MACROD2: variants seen among roughly 807,000 people sequenced by gnomAD.
The protein encoded by MACROD2 is ADP-ribose glycohydrolase MACROD2.
MACROD2 carries 36 observed loss-of-function variants against 70.4 expected under a neutral mutation model. That is an observed-to-expected ratio of 0.51 (90% confidence interval 0.39 to 0.68). The LOEUF (loss-of-function observed/expected upper bound fraction) is 0.68, where lower values mean the gene tolerates loss of function less well. Ranked by LOEUF, MACROD2 falls within the 30% of genes least tolerant of loss-of-function variation. MACROD2 has a pLI of 0.00. For synonymous variants in MACROD2, 172 were observed against 178.8 expected (o/e 0.96, Z 0.30); for missense variants, 496 against 538.4 (o/e 0.92, Z 0.78).
intron 5 of MACROD2, among the ~76,000 whole-genome samples, chr20:14,917,144 C>T (rs765101717): frequency 2.0e-5 from 3 of 151,030 alleles, no homozygotes; most frequent in Non-Finnish European, 4.4e-5. Flanking sequence ...TCCATCCCTG[C>T]TCAGATGGTT....
chr20:14,731,730 C>G (rs1044372779), intron 5 of MACROD2, among the ~76,000 whole-genome samples: 3 of 152,088 alleles, frequency 2.0e-5, no homozygotes, highest in Non-Finnish European at 4.4e-5. Flanking sequence ...GTGATATGTG[C>G]CTTTTTTCAC....
At chr20:14,960,298 C>T (rs2074572348) in intron 5 of MACROD2, among the ~76,000 whole-genome samples, 1 of 152,186 alleles carries the variant, frequency 6.6e-6, no homozygotes, top group Admixed American at 6.5e-5. Flanking sequence ...CTACCACTCC[C>T]TGGATGCTTC....
intron 5 of MACROD2, among the ~76,000 whole-genome samples, chr20:14,913,444 T>A (rs1377817318): frequency 6.6e-6 from 1 of 152,078 alleles, no homozygotes; most frequent in Non-Finnish European, 1.5e-5. Context: ...CCCAACACAT[T>A]GGAAAGCCAA....
chr20:14,877,963 G>T (rs2073568579), intron 5 of MACROD2, among the ~76,000 whole-genome samples: 1 of 151,914 alleles, frequency 6.6e-6, no homozygotes, highest in Admixed American at 6.6e-5. Context: ...GCCAGAATTT[G>T]GTATCAGAGT....
intron 8 of MACROD2, among the ~76,000 whole-genome samples, chr20:15,536,826 TAAAAAG>T (rs1175936497): frequency 1.3e-5 from 2 of 152,170 alleles, no homozygotes; most frequent in East Asian, 3.8e-4. Flanking sequence ...TAAAATTTGA[TAAAAAG>T]AAACCAGTGG....
intron 5 of MACROD2, among the ~76,000 whole-genome samples, chr20:15,137,783 A>G (rs572189113): frequency 6.8e-4 from 103 of 152,242 alleles, no homozygotes; most frequent in African/African-American, 2.4e-3. Context: ...GCACATTTAG[A>G]TAGATTTATT....
At chr20:14,665,732 C>T (rs2070730035) in intron 4 of MACROD2, among the ~76,000 whole-genome samples, 2 of 152,096 alleles carry the variant, frequency 1.3e-5, no homozygotes, top group South Asian at 2.1e-4. Flanking sequence ...GCATAATTAA[C>T]TTACATATAT....
intron 5 of MACROD2, among the ~76,000 whole-genome samples, chr20:14,930,013 T>A (rs2074278174): frequency 6.6e-6 from 1 of 151,772 alleles, no homozygotes; most frequent in Admixed American, 6.6e-5. Flanking sequence ...TACAAAAAAA[T>A]TAGCCGGGCG....
At chr20:14,912,120 A>G (rs2074035069) in intron 5 of MACROD2, among the ~76,000 whole-genome samples, 1 of 152,094 alleles carries the variant, frequency 6.6e-6, no homozygotes, top group Admixed American at 6.5e-5. Context: ...CTGCGTACCC[A>G]TCCTCAACTC....
At chr20:16,010,139 C>T (rs775111) in intron 15 of MACROD2, among the ~76,000 whole-genome samples, 98,930 of 152,016 alleles carry the variant, frequency 0.65, 32,725 homozygotes, top group East Asian at 0.86. Context: ...TAAATTATTA[C>T]GAAAATCACA....
intron 8 of MACROD2, among the ~76,000 whole-genome samples, chr20:15,592,787 A>G (rs1369913327): frequency 6.6e-6 from 1 of 152,238 alleles, no homozygotes; most frequent in Admixed American, 6.5e-5. Flanking sequence ...CAGGTATAAA[A>G]TATGCTGGAA....
At chr20:15,850,653 G>T (rs1474215760) in intron 8 of MACROD2, among the ~76,000 whole-genome samples, 1 of 152,166 alleles carries the variant, frequency 6.6e-6, no homozygotes, top group African/African-American at 2.4e-5. Flanking sequence ...ATGTGTCTTG[G>T]CTCTGGGTGG....
At chr20:15,021,334 G>C (rs2075181885) in intron 5 of MACROD2, among the ~76,000 whole-genome samples, 1 of 136,264 alleles carries the variant, frequency 7.3e-6, no homozygotes, top group Non-Finnish European at 1.6e-5. Context: ...ACACGTGTGT[G>C]TATGTATACA....
intron 7 of MACROD2, among the ~76,000 whole-genome samples, 176 bp downstream of exon 7, chr20:15,431,611 T>C (rs1401096327): frequency 6.6e-6 from 1 of 152,006 alleles, no homozygotes; most frequent in East Asian, 1.9e-4. Flanking sequence ...TTCTTTTGGG[T>C]TCTTGAATTT....
chr20:14,899,674 G>A (rs1485934751), intron 5 of MACROD2, among the ~76,000 whole-genome samples: 2 of 152,140 alleles, frequency 1.3e-5, no homozygotes, highest in African/African-American at 4.8e-5. Flanking sequence ...GTCACATTCT[G>A]AAGTACCGGT....
intron 6 of MACROD2, among the ~76,000 whole-genome samples, chr20:15,349,012 T>A (rs1487557041): frequency 6.6e-6 from 1 of 152,182 alleles, no homozygotes; most frequent in African/African-American, 2.4e-5. Flanking sequence ...TTAACTGACA[T>A]GCTTTCATTT....
intron 5 of MACROD2, among the ~76,000 whole-genome samples, chr20:14,822,285 A>G (rs546302450): frequency 3.3e-5 from 5 of 152,258 alleles, no homozygotes; most frequent in African/African-American, 4.8e-5. Context: ...CTGAAAACCC[A>G]TAAGATATTG....
At chr20:14,175,736 G>T (rs2081258471) in intron 3 of MACROD2, among the ~76,000 whole-genome samples, 3 of 152,162 alleles carry the variant, frequency 2.0e-5, no homozygotes, top group Non-Finnish European at 4.4e-5. Flanking sequence ...ATTAATATCT[G>T]CTGGGAAACC....
Position 15,408,973 on chromosome 20 carries a change from A to G in MACROD2, c.541-22432A>G, listed in dbSNP as rs533327432. 2.0e-5 allele frequency among the ~76,000 whole-genome samples: 3 copies of G among 152,348 alleles called. No homozygotes were observed. In the South Asian group the frequency reaches 6.2e-4, roughly 32 times the overall value. On this transcript the variant is annotated intron_variant, in intron 6 of 17. Transcript: ENST00000684519. ...TATTTATTCTTTTGCTTCAATTCCT[A>G]AAAGATTGATATTAATGCATTAAGC...
Sources: allele counts gnomAD v4.1 joint callset (sites outside exome capture counted in the v4.1 genomes callset), GRCh38; gene constraint gnomAD v4.1.1; transcripts MANE v1.5; gene names NCBI Gene and HGNC (gene_info 2026-07-23, HGNC 2026-07-21).